PDE1C: variants seen among roughly 807,000 people sequenced by gnomAD.
PDE1C encodes the protein dual specificity calcium/calmodulin-dependent 3',5'-cyclic nucleotide phosphodiesterase 1C.
Under a neutral mutation model 93.1 loss-of-function variants are expected in PDE1C, and 62 were observed. The observed-to-expected ratio is 0.67, with a 90% CI of 0.54 to 0.82. The LOEUF is 0.82. Among genes scored for constraint, PDE1C ranks in the 40% least tolerant of loss-of-function variants. The pLI, the probability that PDE1C is intolerant of heterozygous loss-of-function variation, is 0.00. For missense variants in PDE1C, 742 were observed against 884.6 expected, an observed-to-expected ratio of 0.84 and a Z score of 2.04; for synonymous variants, 325 against 310.1, an observed-to-expected ratio of 1.05 and a Z score of -0.50.
At chr7:32,319,209 C>A (rs969387532) in intron 1 of PDE1C, among the ~76,000 whole-genome samples, 1 of 152,230 alleles carries the variant, frequency 6.6e-6, no homozygotes, top group Non-Finnish European at 1.5e-5. Flanking sequence ...CAGAGCGCCA[C>A]GTGCTTGGAG....
intron 1 of PDE1C, among the ~76,000 whole-genome samples, chr7:32,372,494 A>G (rs1179209276): frequency 6.6e-6 from 1 of 152,232 alleles, no homozygotes; most frequent in Non-Finnish European, 1.5e-5. Flanking sequence ...AACTCAAAAC[A>G]GATCATAGAC....
chr7:31,651,764 GTTGT>G, the PDE1C span, among the ~76,000 whole-genome samples: 9 of 134,592 alleles, frequency 6.7e-5, no homozygotes, highest in East Asian at 2.8e-4. Flanking sequence ...CTGCAATAAA[GTTGT>G]TTTTTTTTTT....
intron 1 of PDE1C, among the ~76,000 whole-genome samples, chr7:32,395,387 C>G (rs1784823123): frequency 6.6e-6 from 1 of 151,762 alleles, no homozygotes; most frequent in Non-Finnish European, 1.5e-5. Flanking sequence ...ATGAGGGGGG[C>G]AAGAAACTAC....
chr7:32,324,002 G>T (rs1408351430), intron 1 of PDE1C, among the ~76,000 whole-genome samples: 5 of 152,164 alleles, frequency 3.3e-5, no homozygotes, highest in Non-Finnish European at 7.3e-5. Flanking sequence ...ACAAACATCA[G>T]CCCATGGGCC....
intron 2 of PDE1C, among the ~76,000 whole-genome samples, chr7:32,016,943 G>T (rs1393809295): frequency 6.6e-6 from 1 of 152,142 alleles, no homozygotes; most frequent in Non-Finnish European, 1.5e-5. Context: ...CTATAGTCAG[G>T]TTGCCTGAGT....
intron 2 of PDE1C, among the ~76,000 whole-genome samples, chr7:31,948,347 C>G (rs1330488040): frequency 6.6e-6 from 1 of 152,192 alleles, no homozygotes; most frequent in African/African-American, 2.4e-5. Context: ...GGAAAAGGAG[C>G]TGTAAATGAT....
chr7:31,739,195 T>G, the PDE1C span, among the ~76,000 whole-genome samples: 1 of 81,004 alleles, frequency 1.2e-5, no homozygotes. Flanking sequence ...CAGCAGTAAC[T>G]TTTAGACACA....
At chr7:32,032,243 G>T (rs1198146817) in intron 2 of PDE1C, among the ~76,000 whole-genome samples, 5 of 152,160 alleles carry the variant, frequency 3.3e-5, no homozygotes, top group Non-Finnish European at 7.4e-5. Flanking sequence ...TGCCTCAAAG[G>T]TTATTTTGGA....
chr7:31,617,885 C>T, the PDE1C span, among the ~76,000 whole-genome samples: 908 of 152,238 alleles, frequency 6.0e-3, 9 homozygotes, highest in Middle Eastern at 0.017. Context: ...TTACTTCTAA[C>T]GCTACAAATC....
chr7:31,830,811 G>T (rs1166630450), intron 11 of PDE1C, among the ~76,000 whole-genome samples: 1 of 152,142 alleles, frequency 6.6e-6, no homozygotes, highest in African/African-American at 2.4e-5. Flanking sequence ...GTTTGATGTA[G>T]ACAAGCACTT....
intron 2 of PDE1C, among the ~76,000 whole-genome samples, chr7:32,181,892 T>C (rs1803463416): frequency 6.6e-6 from 1 of 152,140 alleles, no homozygotes; most frequent in African/African-American, 2.4e-5. Context: ...ACAACATTGA[T>C]AGACCGCTAG....
At chr7:31,914,291 C>T (rs1281550212) in intron 2 of PDE1C, among the ~76,000 whole-genome samples, 1 of 152,102 alleles carries the variant, frequency 6.6e-6, no homozygotes. Context: ...TCTATCACAT[C>T]AAGACAAATA....
chr7:31,820,516 T>C (rs1021238702), intron 14 of PDE1C: 3 of 152,122 alleles, frequency 2.0e-5, no homozygotes, highest in African/African-American at 2.4e-5. Flanking sequence ...CTAATAATTA[T>C]CAGTTCTTGC....
chr7:32,393,776 T>C (rs921421001), intron 1 of PDE1C, among the ~76,000 whole-genome samples: 2 of 152,364 alleles, frequency 1.3e-5, no homozygotes, highest in African/African-American at 4.8e-5. Flanking sequence ...TTATGCCACT[T>C]GAATTTGGAG....
At chr7:31,700,702 T>G in the PDE1C span, among the ~76,000 whole-genome samples, 1 of 152,100 alleles carries the variant, frequency 6.6e-6, no homozygotes, top group Non-Finnish European at 1.5e-5. Context: ...CCAACTCTCT[T>G]GTTAGGGGAT....
At chr7:32,156,614 C>T (rs574762817) in intron 3 of PDE1C, among the ~76,000 whole-genome samples, 61 of 152,264 alleles carry the variant, frequency 4.0e-4, no homozygotes, top group Middle Eastern at 3.4e-3. Flanking sequence ...GGTGAAAATA[C>T]AATGGCTTAT....
intron 2 of PDE1C, among the ~76,000 whole-genome samples, chr7:31,990,940 C>G (rs2129075411): frequency 6.6e-6 from 1 of 152,230 alleles, no homozygotes; most frequent in Middle Eastern, 3.4e-3. Context: ...GAACTTTTAC[C>G]AGCAACTCCA....
chr7:31,769,245 A>G (rs1795328432), intron 17 of PDE1C, among the ~76,000 whole-genome samples: 1 of 152,100 alleles, frequency 6.6e-6, no homozygotes, highest in Admixed American at 6.5e-5. Flanking sequence ...TATGGAAGAT[A>G]TTTTCTTCAT....
chr7:31,655,152 G>T, the PDE1C span, among the ~76,000 whole-genome samples: 2 of 152,108 alleles, frequency 1.3e-5, no homozygotes, highest in Non-Finnish European at 2.9e-5. Flanking sequence ...AGACTTGGCT[G>T]TATGTCTCAC....
Sources: allele counts gnomAD v4.1 joint callset (sites outside exome capture counted in the v4.1 genomes callset), GRCh38; gene constraint gnomAD v4.1.1; transcripts MANE v1.5; gene names NCBI Gene and HGNC (gene_info 2026-07-23, HGNC 2026-07-21).